The following TMPRSS11F variants were observed in gnomAD, a reference collection of about 807,000 sequenced individuals.
TMPRSS11F encodes transmembrane serine protease 11F.
In TMPRSS11F, 47 loss-of-function variants were observed where a neutral mutation model predicts 60.2. The observed-to-expected ratio is 0.78, with a 90% CI of 0.62 to 1.00. The LOEUF (loss-of-function observed/expected upper bound fraction) is 1.00. Among genes scored for constraint, TMPRSS11F ranks in the 50% least tolerant of loss-of-function variants. The pLI, the probability that TMPRSS11F is intolerant of heterozygous loss-of-function variation, is 0.00. For missense variants in TMPRSS11F, 519 were observed against 522.9 expected, an observed-to-expected ratio of 0.99 and a Z score of 0.07; for synonymous variants, 166 against 167.3, an observed-to-expected ratio of 0.99 and a Z score of 0.06.
At chr4:68,096,205 A>G (rs1724071831) in intron 2 of TMPRSS11F, among the ~76,000 whole-genome samples, 1 of 152,096 alleles carries the variant, frequency 6.6e-6, no homozygotes, top group Non-Finnish European at 1.5e-5. Context: ...TCAAAAAAAT[A>G]CGTACAATGC....
intron 8 of TMPRSS11F, chr4:68,062,040 T>C: frequency 4.4e-6 from 2 of 452,892 alleles, no homozygotes; most frequent in Non-Finnish European, 8.8e-6. Context: ...CAATTTTCAA[T>C]GTGACTGAAA....
chr4:68,090,070 C>T (rs769163938), intron 3 of TMPRSS11F, among the ~76,000 whole-genome samples: 1 of 151,882 alleles, frequency 6.6e-6, no homozygotes, highest in South Asian at 2.1e-4. Context: ...ATTTAAAAAG[C>T]AAAATATGTA....
At chr4:68,063,620 C>G (rs1481713522) in intron 8 of TMPRSS11F, among the ~76,000 whole-genome samples, 5 of 152,114 alleles carry the variant, frequency 3.3e-5, no homozygotes, top group Non-Finnish European at 7.4e-5. Flanking sequence ...ACCTCATGAT[C>G]CGCCCGACTC....
chr4:68,116,016 A>G (rs1724512396), intron 1 of TMPRSS11F, among the ~76,000 whole-genome samples: 1 of 152,110 alleles, frequency 6.6e-6, no homozygotes, highest in Non-Finnish European at 1.5e-5. Flanking sequence ...ATTGTTTTTC[A>G]AAATTATTTT....
At chr4:68,096,323 A>G (rs1171534907) in intron 2 of TMPRSS11F, among the ~76,000 whole-genome samples, 2 of 152,246 alleles carry the variant, frequency 1.3e-5, no homozygotes, top group African/African-American at 4.8e-5. Context: ...GATAATAAGC[A>G]CACATTAATC....
At chr4:68,122,760 TCACGAATATAGAA>T (rs1724645259) in intron 1 of TMPRSS11F, among the ~76,000 whole-genome samples, 1 of 152,172 alleles carries the variant, frequency 6.6e-6, no homozygotes, top group Admixed American at 6.5e-5. Context: ...AGAAAGGCAA[TCACGAATATAGAA>T]CACTTTATTT....
At chr4:68,087,876 C>G (rs1191653288) in intron 3 of TMPRSS11F, among the ~76,000 whole-genome samples, 3 of 116,642 alleles carry the variant, frequency 2.6e-5, no homozygotes, top group African/African-American at 9.7e-5. Context: ...CCCCTCCCCC[C>G]ACCCCACAAC....
At chr4:68,079,877 C>G (rs1476786329) in intron 3 of TMPRSS11F, among the ~76,000 whole-genome samples, 1 of 152,170 alleles carries the variant, frequency 6.6e-6, no homozygotes, top group Non-Finnish European at 1.5e-5. Context: ...TAGCTTCATA[C>G]CACCCAGGTA....
intron 1 of TMPRSS11F, among the ~76,000 whole-genome samples, chr4:68,115,517 A>G (rs1724501577): frequency 1.3e-5 from 2 of 152,150 alleles, no homozygotes; most frequent in South Asian, 4.1e-4. Context: ...TATCACTCCT[A>G]TTTGTATTGG....
At chr4:68,106,611 T>C (rs1442256315) in intron 1 of TMPRSS11F, among the ~76,000 whole-genome samples, 1 of 152,106 alleles carries the variant, frequency 6.6e-6, no homozygotes, top group Non-Finnish European at 1.5e-5. Flanking sequence ...GGGGAGGGGT[T>C]ACAACTATGA....
chr4:68,059,802 C>T (rs988960722), intron 8 of TMPRSS11F, among the ~76,000 whole-genome samples: 1 of 152,076 alleles, frequency 6.6e-6, no homozygotes, highest in Non-Finnish European at 1.5e-5. Context: ...GTCCAACTGC[C>T]ACATTCTCCA....
At chr4:68,102,852 G>A (rs1047034918) in intron 1 of TMPRSS11F, among the ~76,000 whole-genome samples, 2 of 151,922 alleles carry the variant, frequency 1.3e-5, no homozygotes, top group African/African-American at 4.8e-5. Context: ...TGCTTTTGTG[G>A]GTTGAGCTTT....
intron 9 of TMPRSS11F, among the ~76,000 whole-genome samples, chr4:68,056,816 T>A (rs1723056870): frequency 6.6e-6 from 1 of 152,172 alleles, no homozygotes; most frequent in South Asian, 2.1e-4. Flanking sequence ...ATCAACATAG[T>A]GTGGTCCTGG....
chr4:68,104,982 T>C (rs1724273755), intron 1 of TMPRSS11F, among the ~76,000 whole-genome samples: 4 of 150,150 alleles, frequency 2.7e-5, no homozygotes, highest in Middle Eastern at 3.5e-3. Context: ...CCTTGTGATG[T>C]CTTTGTCTTC....
intron 4 of TMPRSS11F, among the ~76,000 whole-genome samples, chr4:68,072,859 T>C (rs1016020569): frequency 6.6e-6 from 1 of 152,158 alleles, no homozygotes; most frequent in Admixed American, 6.5e-5. Context: ...GTAACTAATG[T>C]CATTATTCTT....
chr4:68,128,555 C>T (rs750218068), intron 1 of TMPRSS11F, among the ~76,000 whole-genome samples: 7 of 151,542 alleles, frequency 4.6e-5, no homozygotes, highest in South Asian at 2.1e-4. Context: ...GAGATGATGC[C>T]GTAAGTTGGG....
chr4:68,106,111 T>A (rs1724298417), intron 1 of TMPRSS11F, among the ~76,000 whole-genome samples: 1 of 152,174 alleles, frequency 6.6e-6, no homozygotes, highest in Non-Finnish European at 1.5e-5. Context: ...TATGTCCATA[T>A]CATTAAAAAA....
At chr4:68,115,071 C>T (rs959384909) in intron 1 of TMPRSS11F, among the ~76,000 whole-genome samples, 20 of 150,356 alleles carry the variant, frequency 1.3e-4, no homozygotes, top group African/African-American at 3.9e-4. Flanking sequence ...GTTTCCCGGC[C>T]GGGCGCAGTG....
rs75176723 is a variant in TMPRSS11F at position 68,122,466 on chromosome 4, T to G, written c.11+7344A>C. On this transcript the variant is annotated intron_variant, in intron 1 of 9. Transcript: ENST00000356291. ...ATGATAATACCAATATTTCATTAAGTATACCGAGGGATTTGGAATCTAGCT... is the reference window on the plus strand; with the variant it reads ...ATGATAATACCAATATTTCATTAAGGATACCGAGGGATTTGGAATCTAGCT... Among the ~76,000 whole-genome samples, 871 of 152,274 alleles carry G rather than the reference T, an allele frequency of 5.7e-3. 7 individuals are homozygous for G. Among genetic ancestry groups the G allele is most frequent in the African/African-American group, 0.02 (814 of 41,572 alleles).
Sources: gnomAD v4.1 joint callset for allele counts (sites outside exome capture counted in the v4.1 genomes callset) on GRCh38, gnomAD v4.1.1 for gene constraint, MANE v1.5 for transcripts, NCBI Gene and HGNC (gene_info 2026-07-23, HGNC 2026-07-21) for gene names.